Variants in PLEKHM1 observed in about 807,000 individuals in gnomAD.
The protein encoded by PLEKHM1 is pleckstrin homology and RUN domain containing M1.
PLEKHM1 carries 28 observed loss-of-function variants against 94.3 expected under a neutral mutation model. That is an observed-to-expected ratio of 0.30 (90% CI 0.22 to 0.41). PLEKHM1 has a LOEUF of 0.41. Among genes scored for constraint, PLEKHM1 ranks in the 10% least tolerant of loss-of-function variants. The pLI is 1.00. For missense variants in PLEKHM1, 907 were observed against 1,358.6 expected, an observed-to-expected ratio of 0.67 and a Z score of 5.22; for synonymous variants, 424 against 581.2, an observed-to-expected ratio of 0.73 and a Z score of 3.89.
In PLEKHM1 at chr17:45,439,559, G is replaced by A; in HGVS notation, c.2977C>T (p.Leu993=). ...FASQHVYHCD[L]CTQRGFICQI... The stretch of plus-strand genomic sequence containing the variant: ...CAGATGAAGCCGCGCTGGGTGCACA[G>A]GTCGCAGTGGTAGACATGCTGGGAG... The change falls in exon 11 of 12, where the codon CTG becomes TTG. Residue 993 remains leucine (L), a synonymous_variant. Coordinates refer to ENST00000430334, the MANE Select transcript of PLEKHM1 (RefSeq NM_014798.3). The A allele has an allele frequency of 6.2e-7, 1 of 1,614,234 alleles. No homozygotes were observed. Among genetic ancestry groups the A allele is most frequent in the Non-Finnish European group, 8.5e-7 (1 of 1,180,048 alleles).
intron 7 of PLEKHM1, among the ~76,000 whole-genome samples, chr17:45,451,621 T>C (rs902001918): frequency 3.9e-5 from 6 of 152,018 alleles, no homozygotes; most frequent in African/African-American, 1.4e-4. Context: ...AAAGCTTAAA[T>C]GAGACAAGGT....
intron 4 of PLEKHM1, among the ~76,000 whole-genome samples, chr17:45,471,666 G>A (rs2051517790): frequency 6.6e-6 from 1 of 152,188 alleles, no homozygotes; most frequent in Non-Finnish European, 1.5e-5. Flanking sequence ...TGAGGCAGGA[G>A]AATCGCATGA....
intron 5 of PLEKHM1, chr17:45,459,355 A>T (rs1320697488): frequency 6.6e-6 from 1 of 152,198 alleles, no homozygotes; most frequent in Admixed American, 6.5e-5. Flanking sequence ...TGGACATCTC[A>T]TATAGATGGA....
chr17:45,440,018 G>A, intron 10 of PLEKHM1, 145 bp downstream of exon 10: 2 of 799,784 alleles, frequency 2.5e-6, no homozygotes, highest in Middle Eastern at 5.0e-4. Context: ...GGGCAGCAGG[G>A]CAACCCACCC....
intron 3 of PLEKHM1, among the ~76,000 whole-genome samples, chr17:45,476,282 T>C (rs2145325043): frequency 6.6e-6 from 1 of 151,492 alleles, no homozygotes; most frequent in East Asian, 1.9e-4. Context: ...CCCTGACACA[T>C]CTGCTCATCT....
Position 45,436,290 on chromosome 17 carries a change from T to A in PLEKHM1, c.*1568A>T, listed in dbSNP as rs958301762. The A allele has an allele frequency of 5.5e-5, 25 of 454,050 alleles. No homozygotes were observed. The highest frequency in any genetic ancestry group is 1.2e-4 in the Admixed American group (5 of 42,562). 28.1% of individuals were successfully genotyped at this position (454,050 alleles called of 1,614,324 possible). On this transcript the variant is annotated 3_prime_UTR_variant, in exon 12 of 12. Coordinates refer to ENST00000430334, the MANE Select transcript of PLEKHM1 (RefSeq NM_014798.3). Reference sequence around the variant, plus strand: ...CGTTAATGTGGGCCATGGCGGTGCATAACCCAGCTCCTGGCTTAGGAGGCA... The same window carrying A: ...CGTTAATGTGGGCCATGGCGGTGCAAAACCCAGCTCCTGGCTTAGGAGGCA...
In PLEKHM1 at chr17:45,478,041, C is replaced by T; in HGVS notation, c.155G>A (p.Ser52Asn). ...ATGGATAAATACGGCCTCCAGGGCG[C>T]TGCACATGGTGTTGGCATCTCCGTC... ...SEDGDANTMC[S>N]ALEAVFIHGL... Residue 52 changes from serine to asparagine, a missense_variant, in exon 3 of 12, where the codon AGC becomes AAC. Physicochemically the swap from Ser to Asn is conservative, Grantham distance 46 (BLOSUM62 1). Transcript: ENST00000430334. 1.2e-6 allele frequency: 2 copies of T among 1,614,240 alleles called. No homozygotes were observed. The highest frequency in any genetic ancestry group is 1.3e-5 in the African/African-American group (1 of 75,062).
At chr17:45,456,296 A>G (rs1451859407) in intron 6 of PLEKHM1, 2 of 152,258 alleles carry the variant, frequency 1.3e-5, no homozygotes, top group African/African-American at 4.8e-5. Flanking sequence ...AGACAGGGAC[A>G]CTGCTTTGCT....
chr17:45,439,319 C>G (rs1260023710), intron 11 of PLEKHM1, among the ~76,000 whole-genome samples, 158 bp downstream of exon 11: 3 of 152,236 alleles, frequency 2.0e-5, no homozygotes, highest in South Asian at 2.1e-4. Context: ...AGAGCATGGG[C>G]TGCCCCAACA....
At chr17:45,455,355 A>T (rs1489913505) in intron 6 of PLEKHM1, among the ~76,000 whole-genome samples, 2 of 151,904 alleles carry the variant, frequency 1.3e-5, no homozygotes, top group Non-Finnish European at 2.9e-5. Context: ...CCCAGATGTC[A>T]GTCCTGGGTC....
chr17:45,458,619 C>T (rs2051050636), intron 5 of PLEKHM1, among the ~76,000 whole-genome samples, 180 bp from the exon 6 acceptor site: 1 of 152,006 alleles, frequency 6.6e-6, no homozygotes, highest in Non-Finnish European at 1.5e-5. Flanking sequence ...TACAGGCGCC[C>T]ACCACCATGC....
At chr17:45,476,847 C>T (rs2051757532) in intron 3 of PLEKHM1, among the ~76,000 whole-genome samples, 1 of 152,200 alleles carries the variant, frequency 6.6e-6, no homozygotes, top group Non-Finnish European at 1.5e-5. Context: ...ATGTAGACCG[C>T]ACTCTACTAG....
rs2051152057 is a variant in PLEKHM1, at chr17:45,461,536, T to G, written c.1309-3097A>C. 2.0e-5 allele frequency among the ~76,000 whole-genome samples: 3 copies of G among 152,250 alleles called. No individual in the cohort carries two copies. In the South Asian group the frequency reaches 6.2e-4, roughly 31 times the overall value. ...TAGTTTTAGCTCTTACATTTAGGTTTCTGGTCCATTTTGAGTTAGTTTTTG... is the reference window on the plus strand; with the variant it reads ...TAGTTTTAGCTCTTACATTTAGGTTGCTGGTCCATTTTGAGTTAGTTTTTG... On this transcript the variant is annotated intron_variant, in intron 5 of 11. Transcript: ENST00000430334.
intron 5 of PLEKHM1, among the ~76,000 whole-genome samples, chr17:45,462,452 C>T (rs1163349119): frequency 6.6e-6 from 1 of 151,946 alleles, no homozygotes; most frequent in Non-Finnish European, 1.5e-5. Context: ...TGATCTCCAG[C>T]GCCTGGTGGG....
At chr17:45,473,709 C>T (rs1024919132) in intron 4 of PLEKHM1, among the ~76,000 whole-genome samples, 1 of 151,994 alleles carries the variant, frequency 6.6e-6, no homozygotes, top group Non-Finnish European at 1.5e-5. Context: ...CAGGCGCCCG[C>T]CACCACGCCC....
chr17:45,478,832 A>C (rs2051843873), intron 2 of PLEKHM1, among the ~76,000 whole-genome samples: 1 of 151,866 alleles, frequency 6.6e-6, no homozygotes, highest in African/African-American at 2.4e-5. Flanking sequence ...CCTTGTCTCA[A>C]AAAAAGAAAG....
At chr17:45,465,673 G>A (rs894604747) in intron 5 of PLEKHM1, among the ~76,000 whole-genome samples, 2 of 152,088 alleles carry the variant, frequency 1.3e-5, no homozygotes, top group African/African-American at 4.8e-5. Context: ...TTGCACCACT[G>A]TACTTCAGCC....
rs1411072619 is a variant in PLEKHM1, at chr17:45,436,084, T to C, written c.*1774A>G. 2 of 455,984 alleles carry C rather than the reference T, an allele frequency of 4.4e-6. No homozygotes were observed. The allele number at this position is 455,984 out of a possible 1,614,324, so 28.2% of individuals were successfully genotyped here. On this transcript the variant is annotated 3_prime_UTR_variant, in exon 12 of 12. Coordinates refer to ENST00000430334, the MANE Select transcript of PLEKHM1 (RefSeq NM_014798.3). ...TCTGAGGGAGGGGAGGCGGGAAGAGTCAATGCATCTGAAAGCACTGGCAGC... is the reference window on the plus strand; with the variant it reads ...TCTGAGGGAGGGGAGGCGGGAAGAGCCAATGCATCTGAAAGCACTGGCAGC...
chr17:45,475,323 C>T lies in PLEKHM1; in HGVS notation c.700G>A (p.Val234Ile). The T allele has an allele frequency of 1.2e-6, 2 of 1,613,910 alleles. No individual in the cohort carries two copies. Among genetic ancestry groups the T allele is most frequent in the Non-Finnish European group, 1.7e-6 (2 of 1,179,862 alleles). ...SHSSGSEDIE[V>I]HHSGHKIRRN... ...CGTATCTTATGGCCCGAGTGATGGA[C>T]TTCGATGTCTTCAGAGCCTGAAGAA... Residue 234 changes from valine to isoleucine, a missense_variant, in exon 4 of 12, where the codon GTC becomes ATC. By Grantham distance (29) the Val-to-Ile change is conservative. Transcript: ENST00000430334.
Sources: gnomAD v4.1 joint callset for allele counts (sites outside exome capture counted in the v4.1 genomes callset) on GRCh38, gnomAD v4.1.1 for gene constraint, MANE v1.5 for transcripts, NCBI Gene and HGNC (gene_info 2026-07-23, HGNC 2026-07-21) for gene names.